Variants in COL25A1 observed in about 807,000 individuals in gnomAD.
COL25A1 encodes the protein collagen alpha-1(XXV) chain.
In COL25A1, 103 loss-of-function variants were observed where a neutral mutation model predicts 128.4. The ratio of observed to expected loss-of-function variants is 0.80; its 90% confidence interval spans 0.68 to 0.94. The LOEUF is 0.94. Ranked by LOEUF, COL25A1 falls within the 40% of genes least tolerant of loss-of-function variation. The pLI, the probability that COL25A1 is intolerant of heterozygous loss-of-function variation, is 0.00. For missense variants in COL25A1, 745 were observed against 840.0 expected (o/e 0.89, Z 1.40); for synonymous variants, 279 against 277.2 (o/e 1.01, Z -0.06).
chr4:108,870,326 T>C (rs186702799), intron 19 of COL25A1, among the ~76,000 whole-genome samples: 2,536 of 152,124 alleles, frequency 0.017, 38 homozygotes, highest in Middle Eastern at 0.024. Context: ...TTTTTTAATA[T>C]GCTATAAAAA....
intron 3 of COL25A1, among the ~76,000 whole-genome samples, chr4:109,058,566 A>T (rs1761660037): frequency 6.6e-6 from 1 of 152,234 alleles, no homozygotes; most frequent in East Asian, 1.9e-4. Flanking sequence ...AGTTGAATAT[A>T]GTTTTTCAAA....
intron 21 of COL25A1, 133 bp downstream of exon 21, chr4:108,863,186 T>C (rs1041632538): frequency 1.4e-5 from 11 of 814,678 alleles, no homozygotes; most frequent in Admixed American, 1.3e-4. Context: ...AAAGAACCAG[T>C]TGGTGTGCAT....
At chr4:108,946,329 T>C (rs918709736) in intron 8 of COL25A1, among the ~76,000 whole-genome samples, 2 of 152,240 alleles carry the variant, frequency 1.3e-5, no homozygotes, top group Non-Finnish European at 2.9e-5. Flanking sequence ...GCAGTAATAA[T>C]GAGTGTTATA....
chr4:108,837,843 C>T (rs1274356975), intron 31 of COL25A1, among the ~76,000 whole-genome samples: 6 of 152,148 alleles, frequency 3.9e-5, no homozygotes, highest in Admixed American at 3.9e-4. Flanking sequence ...ATTGTCAGCC[C>T]TAAAAGAGGA....
intron 20 of COL25A1, among the ~76,000 whole-genome samples, chr4:108,866,911 A>G (rs2125802978): frequency 6.6e-6 from 1 of 152,358 alleles, no homozygotes; most frequent in Admixed American, 6.5e-5. Context: ...ACCTCAAAGT[A>G]ATGTTAGTAA....
intron 3 of COL25A1, among the ~76,000 whole-genome samples, chr4:109,211,449 C>G (rs1436533424): frequency 2.0e-5 from 1 of 50,502 alleles, no homozygotes; most frequent in Non-Finnish European, 2.9e-5. Context: ...TCTGAGCCTT[C>G]CTTAATGTTC....
chr4:108,939,657 A>G (rs1461997466), intron 10 of COL25A1, among the ~76,000 whole-genome samples: 1 of 152,028 alleles, frequency 6.6e-6, no homozygotes, highest in African/African-American at 2.4e-5. Flanking sequence ...AAATATTTTC[A>G]TTATTATTAT....
At chr4:109,043,250 T>C (rs1416909293) in intron 5 of COL25A1, among the ~76,000 whole-genome samples, 2 of 152,078 alleles carry the variant, frequency 1.3e-5, no homozygotes, top group African/African-American at 4.8e-5. Flanking sequence ...ACAATTTGAC[T>C]TAAAAATCTT....
Position 109,095,503 on chromosome 4 carries a change from T to C in COL25A1, c.368-45324A>G, listed in dbSNP as rs551339706. ...GGGACTGTGGTTCTCTTTTGACTTA[T>C]GTGCTTAAGTGCACACTACTGGTGT... On this transcript the variant is annotated intron_variant, in intron 3 of 37. Transcript: ENST00000399132. 1.7e-3 allele frequency among the ~76,000 whole-genome samples: 253 copies of C among 152,328 alleles called. 1 individual carries two copies. The highest frequency in any genetic ancestry group is 2.7e-3 in the Non-Finnish European group (186 of 68,034).
intron 3 of COL25A1, among the ~76,000 whole-genome samples, chr4:109,283,389 G>A (rs961958622): frequency 4.6e-5 from 7 of 152,014 alleles, no homozygotes; most frequent in Admixed American, 1.3e-4. Flanking sequence ...TGGGACTACC[G>A]GCATGTGCCA....
At chr4:109,074,096 G>A (rs1007133057) in intron 3 of COL25A1, among the ~76,000 whole-genome samples, 2 of 152,122 alleles carry the variant, frequency 1.3e-5, no homozygotes, top group Non-Finnish European at 2.9e-5. Context: ...TTAGATTCTC[G>A]TAAGGAGCAT....
chr4:109,081,701 T>C (rs1389562367), intron 3 of COL25A1, among the ~76,000 whole-genome samples: 1 of 151,852 alleles, frequency 6.6e-6, no homozygotes, highest in African/African-American at 2.4e-5. Flanking sequence ...CTATTTTGTT[T>C]TTTCTTTTAT....
chr4:108,964,963 A>G (rs1009102085), intron 8 of COL25A1, among the ~76,000 whole-genome samples: 1 of 152,204 alleles, frequency 6.6e-6, no homozygotes, highest in South Asian at 2.1e-4. Context: ...TCAGTACCCA[A>G]TGAGTAGTAT....
intron 8 of COL25A1, among the ~76,000 whole-genome samples, chr4:108,958,789 AT>A (rs1750348891): frequency 2.6e-5 from 4 of 152,104 alleles, no homozygotes; most frequent in Admixed American, 2.0e-4. Context: ...GATAACATAA[AT>A]TCTGTTGGAA....
At chr4:109,065,419 A>G (rs532372410) in intron 3 of COL25A1, among the ~76,000 whole-genome samples, 4 of 151,914 alleles carry the variant, frequency 2.6e-5, no homozygotes, top group African/African-American at 9.7e-5. Flanking sequence ...GAATGTAGGG[A>G]ACTGTTTTCT....
At chr4:109,046,325 T>C (rs906557412) in intron 5 of COL25A1, among the ~76,000 whole-genome samples, 5 of 152,180 alleles carry the variant, frequency 3.3e-5, no homozygotes, top group Non-Finnish European at 5.9e-5. Flanking sequence ...GGTAGAAAAT[T>C]TGGACTAACA....
chr4:109,042,656 CTTT>C (rs1191680996), intron 5 of COL25A1, among the ~76,000 whole-genome samples: 1 of 151,972 alleles, frequency 6.6e-6, no homozygotes, highest in Admixed American at 6.6e-5. Flanking sequence ...AAAGCACATT[CTTT>C]GAGTCCAAAT....
chr4:109,270,467 A>G (rs1406798561), intron 3 of COL25A1, among the ~76,000 whole-genome samples: 1 of 152,220 alleles, frequency 6.6e-6, no homozygotes, highest in South Asian at 2.1e-4. Context: ...ACTCCCATTC[A>G]CAACTGCTTC....
At chr4:108,919,104 C>T (rs567918337) in intron 12 of COL25A1, among the ~76,000 whole-genome samples, 2 of 152,192 alleles carry the variant, frequency 1.3e-5, no homozygotes, top group African/African-American at 4.8e-5. Context: ...TCTGATATTA[C>T]ATTTCTTTAA....
Sources: allele counts gnomAD v4.1 joint callset (sites outside exome capture counted in the v4.1 genomes callset), GRCh38; gene constraint gnomAD v4.1.1; transcripts MANE v1.5; gene names NCBI Gene and HGNC (gene_info 2026-07-23, HGNC 2026-07-21).